The following ADAM18 variants were observed in gnomAD, a reference collection of about 807,000 sequenced individuals.
The protein encoded by ADAM18 is disintegrin and metalloproteinase domain-containing protein 18.
Under a neutral mutation model 94.4 loss-of-function variants are expected in ADAM18, and 117 were observed. The ratio of observed to expected loss-of-function variants is 1.24; its 90% confidence interval spans 1.07 to 1.45. The LOEUF is 1.45. ADAM18 is among the 40% of genes most tolerant of loss of function. ADAM18 has a pLI of 0.00. For synonymous variants in ADAM18, 327 were observed against 291.6 expected (o/e 1.12, Z -1.24); for missense variants, 936 against 880.0 (o/e 1.06, Z -0.81).
intron 6 of ADAM18, 110 bp downstream of exon 6, chr8:39,610,816 A>G (rs1453288659): frequency 7.5e-7 from 1 of 1,339,118 alleles, no homozygotes; most frequent in Non-Finnish European, 9.7e-7. Flanking sequence ...ATTAAATTTT[A>G]TGTATTTTTC....
rs868865073 is a variant in ADAM18 at position 39,722,243 on chromosome 8, A to G, written c.2018-1505A>G. On this transcript the variant is annotated intron_variant, in intron 18 of 19. Coordinates refer to ENST00000265707, the MANE Select transcript of ADAM18 (RefSeq NM_014237.3). ...TATATATATATATATATATATATAT[A>G]TATATATATATATATATATGCCGTG... is the stretch of plus-strand genomic sequence containing the variant. Among the ~76,000 whole-genome samples the G allele has an allele frequency of 9.9e-3, 657 of 66,534 alleles. 5 individuals carry two copies. Among genetic ancestry groups the G allele is most frequent in the Middle Eastern group, 0.042 (3 of 72 alleles). 43.6% of individuals were successfully genotyped at this position (66,534 alleles called of 152,430 possible). A position where few individuals can be genotyped will look rare whatever the true frequency, so the allele number is the denominator to read the frequency against.
At chr8:39,657,735 AT>A (rs772166837) in intron 12 of ADAM18, among the ~76,000 whole-genome samples, 7 of 152,354 alleles carry the variant, frequency 4.6e-5, no homozygotes, top group South Asian at 4.1e-4. Context: ...AGATACGTTC[AT>A]TTTAAAGGTA....
intron 6 of ADAM18, among the ~76,000 whole-genome samples, chr8:39,620,374 A>C (rs72641302): frequency 0.24 from 21,836 of 91,546 alleles, 1,588 homozygotes; most frequent in Non-Finnish European, 0.31. Flanking sequence ...AAAAAAAAAA[A>C]CAAAAAAAAA....
chr8:39,666,512 G>A (rs192400488), intron 13 of ADAM18, among the ~76,000 whole-genome samples: 355 of 152,134 alleles, frequency 2.3e-3, no homozygotes, highest in Non-Finnish European at 4.0e-3. Context: ...TATTGTATTA[G>A]TTGGTTTTCA....
intron 6 of ADAM18, chr8:39,611,254 C>T: frequency 2.0e-6 from 1 of 508,916 alleles, no homozygotes; most frequent in Non-Finnish European, 2.5e-6. Context: ...AAATGAGTTG[C>T]TTCTCTTTTG....
chr8:39,651,699 T>C (rs967683208), intron 12 of ADAM18, among the ~76,000 whole-genome samples: 4 of 152,198 alleles, frequency 2.6e-5, no homozygotes, highest in African/African-American at 9.6e-5. Flanking sequence ...AAATGGAGTC[T>C]CTTATGCCTA....
intron 15 of ADAM18, among the ~76,000 whole-genome samples, chr8:39,679,035 A>C (rs1821368005): frequency 6.6e-6 from 1 of 152,196 alleles, no homozygotes; most frequent in South Asian, 2.1e-4. Flanking sequence ...GAGTGGAACC[A>C]AAATCAAAAG....
intron 2 of ADAM18, among the ~76,000 whole-genome samples, chr8:39,597,175 G>T (rs1818767732): frequency 6.6e-6 from 1 of 151,972 alleles, no homozygotes; most frequent in African/African-American, 2.4e-5. Context: ...AGATATTTTG[G>T]TCCTTTATCA....
At chr8:39,684,471 C>T (rs987722501) in intron 16 of ADAM18, among the ~76,000 whole-genome samples, 6 of 152,300 alleles carry the variant, frequency 3.9e-5, no homozygotes, top group East Asian at 1.9e-4. Context: ...AACTGGGCCC[C>T]GAGGGCTCTG....
intron 6 of ADAM18, among the ~76,000 whole-genome samples, chr8:39,623,170 T>C (rs1243896061): frequency 6.6e-6 from 1 of 152,228 alleles, no homozygotes; most frequent in Non-Finnish European, 1.5e-5. Context: ...TCCATTCAAG[T>C]TGCTGCAAAA....
intron 1 of ADAM18, among the ~76,000 whole-genome samples, 173 bp from the exon 2 acceptor site, chr8:39,585,103 G>A (rs771332800): frequency 3.3e-5 from 5 of 152,108 alleles, no homozygotes; most frequent in South Asian, 2.1e-4. Flanking sequence ...CATTTTCAAT[G>A]TGCTGTTGAT....
intron 18 of ADAM18, among the ~76,000 whole-genome samples, chr8:39,708,731 C>A (rs1822310068): frequency 6.6e-6 from 1 of 152,184 alleles, no homozygotes; most frequent in Admixed American, 6.5e-5. Context: ...AGCACTGGAA[C>A]CAGCTGGCTG....
chr8:39,705,892 A>G (rs1006688602), intron 17 of ADAM18, among the ~76,000 whole-genome samples: 2 of 152,120 alleles, frequency 1.3e-5, no homozygotes, highest in African/African-American at 4.8e-5. Context: ...GAAGAAGTTC[A>G]TAGTATATTG....
intron 10 of ADAM18, 150 bp from the exon 11 acceptor site, chr8:39,645,188 A>G (rs746565705): frequency 3.2e-5 from 21 of 666,062 alleles, no homozygotes; most frequent in Non-Finnish European, 5.1e-5. Flanking sequence ...ATTACGGCAG[A>G]TAAATAAATG....
At chr8:39,724,518 G>A (rs181705345) in intron 19 of ADAM18, among the ~76,000 whole-genome samples, 138 of 151,596 alleles carry the variant, frequency 9.1e-4, no homozygotes, top group Non-Finnish European at 1.8e-3. Flanking sequence ...CCAACTTTTT[G>A]TTATAATTAT....
chr8:39,594,793 GTTTTTTT>G lies in ADAM18; in HGVS notation c.132+9458_132+9464del, dbSNP rs71237182. ...TGAACTATGATGCATTTTGCTGTGAGTTTTTTTTTTTTTTTTTTTTTTTGGTAATTGT... is the reference window on the plus strand; with the variant it reads ...TGAACTATGATGCATTTTGCTGTGAGTTTTTTTTTTTTTTTTGGTAATTGT... On this transcript the variant is annotated intron_variant, in intron 2 of 19. Transcript: ENST00000265707. Among the ~76,000 whole-genome samples, 199 of 46,876 alleles carry G rather than the reference GTTTTTTT, an allele frequency of 4.2e-3. 2 individuals are homozygous for G. Among genetic ancestry groups the G allele is most frequent in the African/African-American group, 0.014 (177 of 12,256 alleles). The allele number at this position is 46,876 out of a possible 152,430, so 30.8% of individuals were successfully genotyped here.
intron 18 of ADAM18, among the ~76,000 whole-genome samples, chr8:39,718,682 A>G (rs968541113): frequency 1.3e-5 from 2 of 151,498 alleles, no homozygotes; most frequent in African/African-American, 4.8e-5. Context: ...AACTCTAACA[A>G]TCTAGATCTC....
At chr8:39,603,192 G>C (rs1035500698) in intron 2 of ADAM18, among the ~76,000 whole-genome samples, 5 of 152,062 alleles carry the variant, frequency 3.3e-5, no homozygotes, top group African/African-American at 1.2e-4. Context: ...CTATTTCTGG[G>C]CTCTTTTTTC....
At chr8:39,619,928 C>A (rs529220542) in intron 6 of ADAM18, among the ~76,000 whole-genome samples, 2 of 152,132 alleles carry the variant, frequency 1.3e-5, no homozygotes, top group East Asian at 3.9e-4. Flanking sequence ...CCCCAAATAT[C>A]TAAAGCAATC....
Sources: gnomAD v4.1 joint callset for allele counts (sites outside exome capture counted in the v4.1 genomes callset) on GRCh38, gnomAD v4.1.1 for gene constraint, MANE v1.5 for transcripts, NCBI Gene and HGNC (gene_info 2026-07-23, HGNC 2026-07-21) for gene names.